The following NANOS3 variants were observed in gnomAD, a reference collection of about 807,000 sequenced individuals.
The protein encoded by NANOS3 is nanos C2HC-type zinc finger 3.
In NANOS3, 11 loss-of-function variants were observed where a neutral mutation model predicts 13.8. The ratio of observed to expected loss-of-function variants is 0.80; its 90% confidence interval spans 0.50 to 1.32. NANOS3 has a LOEUF of 1.32. Ranked by LOEUF, NANOS3 falls within the 40% of genes most tolerant of loss-of-function variation. NANOS3 has a pLI of 0.00. For missense variants in NANOS3, 221 were observed against 263.8 expected (o/e 0.84, Z 1.12); for synonymous variants, 119 against 115.4 (o/e 1.03, Z -0.20).
At chr19:13,874,635 T>C, upstream of NANOS3, 2 of 501,258 alleles carry the variant, frequency 4.0e-6, no homozygotes, top group Admixed American at 4.0e-5. Context: ...CCTTACTCTC[T>C]CCTCCTCTCC....
intron 1 of NANOS3, among the ~76,000 whole-genome samples, chr19:13,871,151 G>C (rs917351431): frequency 2.0e-5 from 3 of 152,114 alleles, no homozygotes; most frequent in African/African-American, 7.2e-5. Flanking sequence ...GCAGGGCAGG[G>C]CTGCAGACTC....
At chr19:13,874,681 AC>A, upstream of NANOS3, 1 of 525,318 alleles carries the variant, frequency 1.9e-6, no homozygotes, top group South Asian at 1.4e-5. Context: ...CACCTACCCC[AC>A]CCCCGACTCC....
chr19:13,864,413 G>C (rs989264123), upstream of NANOS3, among the ~76,000 whole-genome samples: 1 of 152,112 alleles, frequency 6.6e-6, no homozygotes, highest in African/African-American at 2.4e-5. Flanking sequence ...GACCTGCTGG[G>C]GGTCTTGTGC....
upstream of NANOS3, among the ~76,000 whole-genome samples, chr19:13,874,483 C>A (rs898634862): frequency 2.1e-4 from 32 of 152,190 alleles, 1 homozygote; most frequent in Admixed American, 1.7e-3. Flanking sequence ...GGCCAGCACT[C>A]CCCTGCACTG....
upstream of NANOS3, among the ~76,000 whole-genome samples, chr19:13,873,314 CG>C (rs984529661): frequency 3.1e-4 from 44 of 142,208 alleles, no homozygotes; most frequent in Admixed American, 9.8e-4. Flanking sequence ...CTCGGGGGCT[CG>C]GCCGGGTTCC....
chr19:13,867,961 T>G (rs1025165504), intron 1 of NANOS3, among the ~76,000 whole-genome samples: 3 of 152,028 alleles, frequency 2.0e-5, no homozygotes, highest in Admixed American at 2.0e-4. Flanking sequence ...GCATACACAC[T>G]GGCATGCATA....
At position 13,877,263 on chromosome 19, in the gene NANOS3, C is replaced by G; in HGVS notation, c.15C>G (p.Asp5Glu). 4.3e-6 allele frequency: 7 copies of G among 1,611,440 alleles called. No individual in the cohort carries two copies. Among genetic ancestry groups the G allele is most frequent in the Non-Finnish European group, 5.1e-6 (6 of 1,178,636 alleles). Reference protein sequence around the residue: MGTFDLWTDYLGLAH... With the variant: MGTFELWTDYLGLAH... ...GCTGCCCAGCTATGGGGACCTTTGACCTGTGGACAGATTACCTGGGTTTGG... is the reference window on the plus strand; with the variant it reads ...GCTGCCCAGCTATGGGGACCTTTGAGCTGTGGACAGATTACCTGGGTTTGG... Residue 5 changes from aspartate (D) to glutamate (E), a missense_variant, in exon 1 of 2, where the codon GAC becomes GAG. Around this residue, in one of 3 missense-constraint regions of NANOS3, gnomAD observed 112 missense variants for 116.3 expected, o/e 0.96. Transcript: ENST00000339133.
At chr19:13,874,165 G>C (rs1163109859), upstream of NANOS3, among the ~76,000 whole-genome samples, 6 of 152,138 alleles carry the variant, frequency 3.9e-5, no homozygotes, top group Non-Finnish European at 5.9e-5. Flanking sequence ...TTGTAAAGTG[G>C]AGAGACCTGA....
intron 1 of NANOS3, among the ~76,000 whole-genome samples, chr19:13,878,481 CCCT>C (rs1252023576): frequency 6.6e-6 from 1 of 152,194 alleles, no homozygotes; most frequent in Non-Finnish European, 1.5e-5. Flanking sequence ...TCGTGATCCA[CCCT>C]CCTCAGCCTC....
intron 1 of NANOS3, among the ~76,000 whole-genome samples, chr19:13,879,719 C>A (rs574162702): frequency 1.9e-4 from 25 of 134,912 alleles, no homozygotes; most frequent in African/African-American, 7.9e-4. Context: ...CACAGCAAGA[C>A]CTCGTCTTAA....
At chr19:13,865,543 C>G (rs1193331143) in intron 1 of NANOS3, 1 of 145,470 alleles carries the variant, frequency 6.9e-6, no homozygotes, top group Non-Finnish European at 1.5e-5. Flanking sequence ...CCCCCTCGCG[C>G]ACCTGCTCGC....
intron 1 of NANOS3, among the ~76,000 whole-genome samples, chr19:13,868,045 T>C (rs1976268863): frequency 6.6e-6 from 1 of 151,770 alleles, no homozygotes. Context: ...ATAATATTTT[T>C]TTTTTTTTGG....
chr19:13,868,320 A>G (rs1976272975), intron 1 of NANOS3, among the ~76,000 whole-genome samples: 2 of 151,888 alleles, frequency 1.3e-5, no homozygotes, highest in South Asian at 4.2e-4. Context: ...CGGTCTCCCA[A>G]AGTGCCGAGA....
chr19:13,869,121 GTC>G (rs1338394995), intron 1 of NANOS3, among the ~76,000 whole-genome samples: 1 of 152,044 alleles, frequency 6.6e-6, no homozygotes, highest in East Asian at 1.9e-4. Context: ...CAAACCCAGG[GTC>G]ACCCAGCACC....
chr19:13,872,137 G>A (rs113049043), upstream of NANOS3, among the ~76,000 whole-genome samples: 6,600 of 152,214 alleles, frequency 0.043, 450 homozygotes, highest in African/African-American at 0.15. Flanking sequence ...GGAGGCCCAG[G>A]AGTTGGAGAC....
chr19:13,875,987 C>G (rs1020400751), upstream of NANOS3, among the ~76,000 whole-genome samples: 4 of 152,122 alleles, frequency 2.6e-5, no homozygotes, highest in Non-Finnish European at 4.4e-5. Context: ...ACTAGGGGTC[C>G]CCTCCTAACA....
At chr19:13,869,925 G>C (rs538985679) in intron 1 of NANOS3, among the ~76,000 whole-genome samples, 7 of 152,080 alleles carry the variant, frequency 4.6e-5, no homozygotes, top group Non-Finnish European at 1.0e-4. Context: ...GAGACAGCTT[G>C]CCACCTCCCA....
chr19:13,868,283 T>C (rs1442226984), intron 1 of NANOS3, among the ~76,000 whole-genome samples: 6 of 151,868 alleles, frequency 4.0e-5, no homozygotes, highest in Admixed American at 3.9e-4. Context: ...AGTCTTGAAC[T>C]CCTGATCTCA....
intron 1 of NANOS3, among the ~76,000 whole-genome samples, chr19:13,868,667 G>A (rs542556595): frequency 1.5e-3 from 214 of 144,548 alleles, no homozygotes; most frequent in Non-Finnish European, 2.7e-3. Context: ...GGGTGACAGC[G>A]AGACCTAGTC....
Sources: allele counts gnomAD v4.1 joint callset (sites outside exome capture counted in the v4.1 genomes callset), GRCh38; gene constraint gnomAD v4.1.1; regional missense constraint gnomAD v4.1.1; transcripts MANE v1.5; gene names NCBI Gene and HGNC (gene_info 2026-07-23, HGNC 2026-07-21).